B4GALNT2: variants seen among roughly 807,000 people sequenced by gnomAD.
B4GALNT2 encodes beta-1,4-N-acetyl-galactosaminyltransferase 2 (SID blood group), also known as N-acetylneuraminylgalactosylglucosyl-glucoside beta-1,4-N- acetylgalactosaminyltransferase 2.
In B4GALNT2, 42 loss-of-function variants were observed where a neutral mutation model predicts 51.1. The observed-to-expected ratio is 0.82, with a 90% CI of 0.64 to 1.06. B4GALNT2 has a LOEUF of 1.06. B4GALNT2 is among the 50% of genes least tolerant of loss of function. B4GALNT2 has a pLI of 0.00. For missense variants in B4GALNT2, 602 were observed against 633.6 expected (o/e 0.95, Z 0.54); for synonymous variants, 253 against 251.7 (o/e 1.01, Z -0.05).
At chr17:49,158,392 G>T (rs1261711530) in intron 5 of B4GALNT2, among the ~76,000 whole-genome samples, 1 of 152,128 alleles carries the variant, frequency 6.6e-6, no homozygotes. Context: ...TAGCAGGAAG[G>T]TGTGGAGTAA....
chr17:49,133,094 C>T lies in B4GALNT2; in HGVS notation c.14+288C>T, dbSNP rs1369987243. 5.3e-6 allele frequency: 8 copies of T among 1,520,356 alleles called. No individual in the cohort carries two copies. The South Asian group carries it at 6.4e-5, about 12-fold the overall frequency. 94.2% of individuals were successfully genotyped at this position (1,520,356 alleles called of 1,614,324 possible). A position where few individuals can be genotyped will look rare whatever the true frequency, so the allele number is the denominator to read the frequency against. On this transcript the variant is annotated intron_variant, in intron 1 of 10. Transcript: ENST00000393354. ...TGGCCTCTCGCGGCCGGGAATGTGT[C>T]TCGGGGACGCCCGAGTGTGGGAATC...
At position 49,173,957 on chromosome 17, in the gene B4GALNT2, G is replaced by A. The variant is rs141209808; in HGVS notation, c.*4229G>A. 1 of 152,076 alleles carries A rather than the reference G, an allele frequency of 6.6e-6. No individual in the cohort carries two copies. Among genetic ancestry groups the A allele is most frequent in the African/African-American group, 2.4e-5 (1 of 41,370 alleles). The allele number at this position is 152,076 out of a possible 1,614,324, so 9.4% of individuals were successfully genotyped here. On this transcript the variant is annotated 3_prime_UTR_variant, in exon 11 of 11. Transcript: ENST00000393354. ...CTATGAGACTAGCATCTCCTCTAAGGTTAGAAAATGGCATAGGTAGGAATG... is the reference window on the plus strand; with the variant it reads ...CTATGAGACTAGCATCTCCTCTAAGATTAGAAAATGGCATAGGTAGGAATG...
intron 10 of B4GALNT2, among the ~76,000 whole-genome samples, chr17:49,169,189 C>T (rs1281338788): frequency 6.6e-6 from 1 of 152,060 alleles, no homozygotes; most frequent in Non-Finnish European, 1.5e-5. Context: ...GCTTCATATT[C>T]TATTTTTTCA....
At chr17:49,140,867 C>T (rs554545870) in intron 1 of B4GALNT2, among the ~76,000 whole-genome samples, 13 of 152,042 alleles carry the variant, frequency 8.6e-5, no homozygotes, top group African/African-American at 1.2e-4. Flanking sequence ...TACAGGCACA[C>T]GCCACCATGC....
At chr17:49,147,374 C>T (rs1413960508) in intron 3 of B4GALNT2, among the ~76,000 whole-genome samples, 137 of 143,930 alleles carry the variant, frequency 9.5e-4, no homozygotes, top group African/African-American at 3.3e-3. Context: ...TCTTTTCTTT[C>T]TTTCTTTTTT....
intron 7 of B4GALNT2, among the ~76,000 whole-genome samples, chr17:49,162,390 C>T (rs556258007): frequency 6.6e-6 from 1 of 152,206 alleles, no homozygotes; most frequent in Non-Finnish European, 1.5e-5. Flanking sequence ...CATATGAAAA[C>T]TACTTTCACA....
At chr17:49,167,303 G>T (rs2042919211) in intron 9 of B4GALNT2, among the ~76,000 whole-genome samples, 1 of 152,230 alleles carries the variant, frequency 6.6e-6, no homozygotes, top group South Asian at 2.1e-4. Flanking sequence ...AGGAAGTGAA[G>T]GGAGAGCAGG....
At chr17:49,142,846 T>C (rs57001740) in intron 3 of B4GALNT2, among the ~76,000 whole-genome samples, 1,645 of 152,360 alleles carry the variant, frequency 0.011, 35 homozygotes, top group African/African-American at 0.037. Flanking sequence ...TATTCATTTA[T>C]ATGTTGAGAG....
Position 49,159,148 on chromosome 17 carries a change from C to T in B4GALNT2, c.610C>T (p.Leu204=), listed in dbSNP as rs1351783795. 6.2e-7 allele frequency: 1 copy of T among 1,614,208 alleles called. No individual in the cohort carries two copies. The highest frequency in any genetic ancestry group is 8.5e-7 in the Non-Finnish European group (1 of 1,180,048). ...QLIISTSDRK[L]LKFILQHVTY... The stretch of plus-strand genomic sequence containing the variant: ...GATCATTTCTACCAGTGACCGGAAG[C>T]TGTTGAAGTTCATTCTTCAGCACGT... The change falls in exon 6 of 11, where the codon CTG becomes TTG. Residue 204 remains leucine, a synonymous_variant. Transcript: ENST00000393354.
chr17:49,140,267 A>C (rs908855671), intron 1 of B4GALNT2, among the ~76,000 whole-genome samples: 3 of 151,580 alleles, frequency 2.0e-5, no homozygotes, highest in Admixed American at 6.6e-5. Context: ...CACCCGACTA[A>C]TTTTTTGTAT....
intron 9 of B4GALNT2, among the ~76,000 whole-genome samples, chr17:49,167,429 CT>C (rs1394583489): frequency 6.6e-6 from 1 of 151,880 alleles, no homozygotes; most frequent in Admixed American, 6.6e-5. Flanking sequence ...GAAATGCAAT[CT>C]TTTTTTTCTT....
chr17:49,132,766 G>A (rs961380880), upstream of B4GALNT2: 2 of 1,387,194 alleles, frequency 1.4e-6, no homozygotes, highest in Middle Eastern at 2.0e-4. Flanking sequence ...CGTGACATCC[G>A]GCAGTCTGAG....
At chr17:49,132,634 G>A, upstream of B4GALNT2, 1 of 773,722 alleles carries the variant, frequency 1.3e-6, no homozygotes, top group Non-Finnish European at 1.8e-6. Context: ...GGGCGCTGGT[G>A]TGGGGGCGGT....
At position 49,171,066 on chromosome 17, in the gene B4GALNT2, C is replaced by G. The variant is rs564509724; in HGVS notation, c.*1338C>G. On this transcript the variant is annotated 3_prime_UTR_variant, in exon 11 of 11. Transcript: ENST00000393354. ...CCTTCAGTTTGGGCATCATGGCCAT[C>G]ATGAACATGTCACAGTACTGCAGAG... is the stretch of plus-strand genomic sequence containing the variant. The G allele has an allele frequency of 1.8e-5, 3 of 165,492 alleles. No homozygotes were observed. The highest frequency in any genetic ancestry group is 5.8e-5 in the Admixed American group (1 of 17,110). The allele number at this position is 165,492 out of a possible 1,614,324, so 10.3% of individuals were successfully genotyped here.
At chr17:49,162,540 C>G (rs544088162) in intron 7 of B4GALNT2, among the ~76,000 whole-genome samples, 2 of 152,220 alleles carry the variant, frequency 1.3e-5, no homozygotes, top group Admixed American at 6.5e-5. Flanking sequence ...AATTCCACTT[C>G]TAGAAATTAT....
At chr17:49,148,665 A>G (rs2144299123) in intron 3 of B4GALNT2, 1 of 559,930 alleles carries the variant, frequency 1.8e-6, no homozygotes, top group South Asian at 2.1e-5. Flanking sequence ...AGACTGCACA[A>G]CCTTCATGAC....
intron 6 of B4GALNT2, 121 bp from the exon 7 acceptor site, chr17:49,160,434 A>G: frequency 4.3e-6 from 4 of 927,270 alleles, no homozygotes; most frequent in Non-Finnish European, 7.1e-6. Flanking sequence ...CCTTGATCTC[A>G]TCCCAACCAG....
At chr17:49,141,148 G>A (rs2042640022) in intron 1 of B4GALNT2, 99 bp from the exon 2 acceptor site, 2 of 1,162,034 alleles carry the variant, frequency 1.7e-6, no homozygotes, top group African/African-American at 1.5e-5. Flanking sequence ...TATAAGCTAT[G>A]TGCTTAGCTT....
At chr17:49,142,789 G>C (rs145656587) in intron 3 of B4GALNT2, among the ~76,000 whole-genome samples, 2 of 152,244 alleles carry the variant, frequency 1.3e-5, no homozygotes, top group South Asian at 4.2e-4. Context: ...ATGCACCCAG[G>C]CCATCATAGC....
Sources: gnomAD v4.1 joint callset for allele counts (sites outside exome capture counted in the v4.1 genomes callset) on GRCh38, gnomAD v4.1.1 for gene constraint, MANE v1.5 for transcripts, NCBI Gene and HGNC (gene_info 2026-07-23, HGNC 2026-07-21) for gene names.